PARVB: variants seen among roughly 807,000 people sequenced by gnomAD.
The protein encoded by PARVB is beta-parvin.
In PARVB, 46 loss-of-function variants were observed where a neutral mutation model predicts 47.0. That is an observed-to-expected ratio of 0.98 (90% confidence interval 0.77 to 1.25). The LOEUF is 1.25. Among genes scored for constraint, PARVB ranks in the 50% most tolerant of loss-of-function variants. The pLI, the probability that PARVB is intolerant of heterozygous loss-of-function variation, is 0.00. For synonymous variants in PARVB, 196 were observed against 196.3 expected (o/e 1.00, Z 0.01); for missense variants, 473 against 471.6 (o/e 1.00, Z -0.03).
At chr22:44,099,520 C>T (rs1356967203) in intron 2 of PARVB, among the ~76,000 whole-genome samples, 1 of 99,148 alleles carries the variant, frequency 1.0e-5, no homozygotes, top group Non-Finnish European at 2.7e-5. Context: ...ACACATCATC[C>T]CCCCCCACCT....
Position 44,089,821 on chromosome 22 carries a change from G to A in PARVB, c.113-4107G>A, listed in dbSNP as rs1251409700. ...CTTCATGGGGTTCAGCTTTGGACAT[G>A]CTGGCTGTGGTTTGTCTCCACTGCA... On this transcript the variant is annotated intron_variant, in intron 1 of 12. Transcript: ENST00000338758. The surrounding 1 kb of genome is among the most constrained non-coding windows in gnomAD (Gnocchi z 4.0). 6.6e-6 allele frequency among the ~76,000 whole-genome samples: 1 copy of A among 152,204 alleles called. No individual in the cohort carries two copies. Among genetic ancestry groups the A allele is most frequent in the Non-Finnish European group, 1.5e-5 (1 of 68,026 alleles).
intron 1 of PARVB, among the ~76,000 whole-genome samples, chr22:44,035,838 G>GTGAAC (rs1328156840): frequency 6.6e-6 from 1 of 151,944 alleles, no homozygotes; most frequent in African/African-American, 2.4e-5. Context: ...TACTGGAGCG[G>GTGAAC]TGAACTGCTC....
intron 1 of PARVB, among the ~76,000 whole-genome samples, chr22:44,029,547 A>AG (rs1569061284): frequency 4.0e-5 from 6 of 151,858 alleles, no homozygotes; most frequent in Admixed American, 2.6e-4. Context: ...AGGCTGAGGC[A>AG]GGTGGATCAC....
chr22:44,136,449 G>C lies in PARVB; in HGVS notation c.634-11G>C. On this transcript the variant is annotated splice_polypyrimidine_tract_variant and intron_variant, in intron 6 of 12. Coordinates refer to ENST00000338758, the MANE Select transcript of PARVB (RefSeq NM_013327.5). ...CTGCCTGATTTTGTATGTTTATTTTGGGGTTTTCAGAAACGGGAAGGCCTG... is the reference window on the plus strand; with the variant it reads ...CTGCCTGATTTTGTATGTTTATTTTCGGGTTTTCAGAAACGGGAAGGCCTG... The C allele has an allele frequency of 6.2e-7, 1 of 1,613,386 alleles. No individual in the cohort carries two copies. The highest frequency in any genetic ancestry group is 8.5e-7 in the Non-Finnish European group (1 of 1,179,400).
chr22:44,023,244 C>T (rs2050671988), upstream of PARVB, among the ~76,000 whole-genome samples: 1 of 152,066 alleles, frequency 6.6e-6, no homozygotes, highest in Non-Finnish European at 1.5e-5. Context: ...GGCATGGTGG[C>T]TCACACCTAT....
chr22:44,066,790 C>CTCCTCCTCT (rs2146969054), intron 1 of PARVB, among the ~76,000 whole-genome samples: 1 of 141,632 alleles, frequency 7.1e-6, no homozygotes, highest in African/African-American at 2.7e-5. Context: ...TCTCCTCCTC[C>CTCCTCCTCT]TCCTCCTCCT....
chr22:44,118,317 A>G (rs529732354), intron 3 of PARVB, among the ~76,000 whole-genome samples: 7 of 152,382 alleles, frequency 4.6e-5, no homozygotes, highest in African/African-American at 7.2e-5. Flanking sequence ...GGCAGACATC[A>G]TCGGCTCCTA....
intron 1 of PARVB, chr22:44,087,002 T>G (rs2052038743): frequency 5.8e-6 from 1 of 173,376 alleles, no homozygotes. Context: ...GCACCTTTCT[T>G]TCTCCTCCTG....
At chr22:44,132,130 C>T (rs951890116) in intron 5 of PARVB, among the ~76,000 whole-genome samples, 17 of 152,226 alleles carry the variant, frequency 1.1e-4, no homozygotes, top group Middle Eastern at 3.2e-3. Flanking sequence ...CCACCTCCCT[C>T]CCCTGGAAGC....
At chr22:44,056,815 G>A (rs2051320272) in intron 1 of PARVB, among the ~76,000 whole-genome samples, 1 of 151,732 alleles carries the variant, frequency 6.6e-6, no homozygotes, top group Admixed American at 6.6e-5. Flanking sequence ...TTGTGCCCCA[G>A]TTTTCTCAAT....
chr22:44,059,669 A>C (rs1344536957), intron 1 of PARVB, among the ~76,000 whole-genome samples: 1 of 152,172 alleles, frequency 6.6e-6, no homozygotes. Context: ...CAAAATGTGA[A>C]TGTTGGGTGT....
At chr22:44,123,561 A>G (rs1236717210) in intron 4 of PARVB, among the ~76,000 whole-genome samples, 1 of 152,178 alleles carries the variant, frequency 6.6e-6, no homozygotes, top group East Asian at 1.9e-4. Flanking sequence ...GTACAGGTGC[A>G]TGCCACCATG....
At chr22:44,035,277 C>T (rs756885555) in intron 1 of PARVB, among the ~76,000 whole-genome samples, 6 of 151,928 alleles carry the variant, frequency 3.9e-5, no homozygotes, top group African/African-American at 1.5e-4. Context: ...CTGAAGTGGC[C>T]GGCAACTGCA....
rs543938071 is a variant in PARVB at position 44,017,165 on chromosome 22, G to A, written c.211+17492G>A. On this transcript the variant is annotated intron_variant, in intron 2 of 13. Transcript: ENST00000406477. The stretch of plus-strand genomic sequence containing the variant: ...GCTGGGATTACAAGTGTGAGCCACC[G>A]TGCCTGGCCACCTTCCCCATTTGAG... Among the ~76,000 whole-genome samples the A allele has an allele frequency of 4.6e-5, 7 of 152,250 alleles. No individual in the cohort carries two copies. The South Asian group carries it at 1.2e-3, about 27-fold the overall frequency.
chr22:44,041,547 A>G (rs1457573573), intron 1 of PARVB, among the ~76,000 whole-genome samples: 1 of 152,110 alleles, frequency 6.6e-6, no homozygotes, highest in African/African-American at 2.4e-5. Flanking sequence ...GAAACTTTTA[A>G]TAATGAAATA....
chr22:44,167,826 AGTCTTG>A (rs1209017510), intron 12 of PARVB, among the ~76,000 whole-genome samples: 4 of 152,070 alleles, frequency 2.6e-5, no homozygotes, highest in African/African-American at 9.7e-5. Flanking sequence ...TCTCCATGTG[AGTCTTG>A]GTCCTCTTTG....
At chr22:44,026,220 G>T in intron 1 of PARVB, 4 of 664,430 alleles carry the variant, frequency 6.0e-6, no homozygotes, top group Non-Finnish European at 7.5e-6. Context: ...TTGCCTGTAT[G>T]AATTGATGTG....
upstream of PARVB, among the ~76,000 whole-genome samples, chr22:44,022,718 C>T (rs2050664628): frequency 6.6e-6 from 1 of 151,530 alleles, no homozygotes. Flanking sequence ...CCAGCCTTCA[C>T]TCCTCCTACT....
At chr22:44,035,369 T>A (rs867060726) in intron 1 of PARVB, among the ~76,000 whole-genome samples, 1,085 of 69,448 alleles carry the variant, frequency 0.016, 10 homozygotes, top group African/African-American at 0.057. Flanking sequence ...TTCTTTTTCC[T>A]TTTTTTTTTT....
Sources: gnomAD v4.1 joint callset for allele counts (sites outside exome capture counted in the v4.1 genomes callset) on GRCh38, gnomAD v4.1.1 for gene constraint, Gnocchi (gnomAD v3.1) non-coding constraint, MANE v1.5 for transcripts, NCBI Gene and HGNC (gene_info 2026-07-23, HGNC 2026-07-21) for gene names.